ANKRD6: variants seen among roughly 807,000 people sequenced by gnomAD.
The protein encoded by ANKRD6 is ankyrin repeat domain 6.
ANKRD6 carries 56 observed loss-of-function variants against 82.3 expected under a neutral mutation model. That is an observed-to-expected ratio of 0.68 (90% CI 0.55 to 0.85). The LOEUF is 0.85. Ranked by LOEUF, ANKRD6 falls within the 40% of genes least tolerant of loss-of-function variation. ANKRD6 has a pLI of 0.00. For missense variants in ANKRD6, 852 were observed against 907.6 expected, an observed-to-expected ratio of 0.94 and a Z score of 0.79; for synonymous variants, 347 against 352.1, an observed-to-expected ratio of 0.99 and a Z score of 0.16.
chr6:89,605,467 G>T (rs919616415), intron 4 of ANKRD6, among the ~76,000 whole-genome samples: 2 of 152,174 alleles, frequency 1.3e-5, no homozygotes, highest in African/African-American at 4.8e-5. Context: ...TTTGTTTGGG[G>T]CCCTGAGGCT....
intron 1 of ANKRD6, among the ~76,000 whole-genome samples, chr6:89,498,717 G>C (rs1009807436): frequency 2.6e-5 from 4 of 152,146 alleles, no homozygotes; most frequent in Non-Finnish European, 5.9e-5. Context: ...AATACAATCC[G>C]GTCATTGTTT....
rs906088946 is a variant in ANKRD6 at position 89,632,517 on chromosome 6, C to T, written c.*1513C>T. ...CACTGCAGCCTTGGCCTCTCAGGCTCGTGATCCTCCTGCCTCAACCTCGCA... is the reference window on the plus strand; with the variant it reads ...CACTGCAGCCTTGGCCTCTCAGGCTTGTGATCCTCCTGCCTCAACCTCGCA... On this transcript the variant is annotated 3_prime_UTR_variant, in exon 16 of 16. Coordinates refer to ENST00000339746, the MANE Select transcript of ANKRD6 (RefSeq NM_001242809.2). 4 of 152,146 alleles carry T rather than the reference C, an allele frequency of 2.6e-5. No individual in the cohort carries two copies. Among genetic ancestry groups the T allele is most frequent in the Admixed American group, 2.6e-4 (4 of 15,272 alleles). The allele number at this position is 152,146 out of a possible 1,614,324, so 9.4% of individuals were successfully genotyped here.
intron 2 of ANKRD6, among the ~76,000 whole-genome samples, chr6:89,595,431 A>G (rs1398313441): frequency 1.3e-5 from 2 of 149,152 alleles, no homozygotes; most frequent in Admixed American, 6.7e-5. Flanking sequence ...GTCTCAAAGA[A>G]AAAAAAAAAA....
At chr6:89,547,722 T>C (rs1390786862) in intron 1 of ANKRD6, among the ~76,000 whole-genome samples, 1 of 152,168 alleles carries the variant, frequency 6.6e-6, no homozygotes, top group African/African-American at 2.4e-5. Flanking sequence ...TTGTATCCTT[T>C]ATTGGATCTG....
At chr6:89,462,865 G>GTTTTTTTTTTTTTTTTTTTT (rs751083567) in intron 1 of ANKRD6, among the ~76,000 whole-genome samples, 1 of 127,508 alleles carries the variant, frequency 7.8e-6, no homozygotes, top group Non-Finnish European at 1.7e-5. Context: ...TGAGTTTTTA[G>GTTTTTTTTTTTTTTTTTTTT]TTTTTTTTTT....
intron 1 of ANKRD6, among the ~76,000 whole-genome samples, chr6:89,495,121 T>C (rs977706849): frequency 1.3e-5 from 2 of 151,996 alleles, no homozygotes; most frequent in Non-Finnish European, 2.9e-5. Context: ...GTAGTCCCAG[T>C]TACTCGGGAG....
At chr6:89,475,751 G>A (rs537878948) in intron 1 of ANKRD6, among the ~76,000 whole-genome samples, 1 of 152,302 alleles carries the variant, frequency 6.6e-6, no homozygotes, top group Admixed American at 6.5e-5. Flanking sequence ...ATTCCCAGAT[G>A]TGGAAATGCT....
intron 1 of ANKRD6, among the ~76,000 whole-genome samples, chr6:89,481,147 A>G (rs377197374): frequency 4.6e-5 from 7 of 152,294 alleles, no homozygotes; most frequent in Admixed American, 3.3e-4. Flanking sequence ...TTAACAAAAA[A>G]TGAAATACAA....
At chr6:89,531,409 G>A (rs898003590) in intron 1 of ANKRD6, among the ~76,000 whole-genome samples, 10 of 152,228 alleles carry the variant, frequency 6.6e-5, no homozygotes, top group African/African-American at 2.4e-4. Flanking sequence ...AAGAGAAAAG[G>A]CATTAATATC....
At chr6:89,434,117 C>A (rs184357111) in intron 1 of ANKRD6, among the ~76,000 whole-genome samples, 3 of 152,278 alleles carry the variant, frequency 2.0e-5, no homozygotes, top group Middle Eastern at 3.4e-3. Flanking sequence ...AGTAAAGAGC[C>A]ACTTCGGGCC....
chr6:89,618,171 T>C, intron 9 of ANKRD6, 140 bp downstream of exon 9: 2 of 928,372 alleles, frequency 2.2e-6, no homozygotes, highest in Non-Finnish European at 3.5e-6. Flanking sequence ...TAGGCATGCA[T>C]GGGGGCCCAG....
chr6:89,616,877 C>T (rs1221837062), intron 8 of ANKRD6: 7 of 665,324 alleles, frequency 1.1e-5, no homozygotes, highest in Non-Finnish European at 1.9e-5. Flanking sequence ...CTTTTAGCTG[C>T]CTGACTGCAG....
chr6:89,567,366 G>A (rs1788762240), intron 2 of ANKRD6, among the ~76,000 whole-genome samples: 1 of 152,180 alleles, frequency 6.6e-6, no homozygotes, highest in South Asian at 2.1e-4. Context: ...GATCTCTTGG[G>A]AGAAGTTGGG....
At chr6:89,516,555 AC>A (rs1213889608) in intron 1 of ANKRD6, among the ~76,000 whole-genome samples, 3 of 150,758 alleles carry the variant, frequency 2.0e-5, no homozygotes, top group Middle Eastern at 3.6e-3. Context: ...GCTCACTGCA[AC>A]CTCCACCTCC....
At position 89,527,018 on chromosome 6, in the gene ANKRD6, A is replaced by C. The variant is rs1037586084; in HGVS notation, c.-143-39816A>C. Among the ~76,000 whole-genome samples, 6 of 152,344 alleles carry C rather than the reference A, an allele frequency of 3.9e-5. No homozygotes were observed. In the East Asian group the frequency reaches 7.7e-4, roughly 20 times the overall value. On this transcript the variant is annotated intron_variant, in intron 1 of 15. Coordinates refer to ENST00000339746, the MANE Select transcript of ANKRD6 (RefSeq NM_001242809.2). ...ATTCAAATGCTAGTATCTTCCAGAA[A>C]CATCCTTGCACACATACCCATACAT...
intron 1 of ANKRD6, among the ~76,000 whole-genome samples, chr6:89,439,972 C>T (rs2127933320): frequency 6.6e-6 from 1 of 152,206 alleles, no homozygotes; most frequent in East Asian, 1.9e-4. Flanking sequence ...GCTGGGATTA[C>T]AGGCCTAAGC....
At chr6:89,500,468 A>C (rs1407735887) in intron 1 of ANKRD6, among the ~76,000 whole-genome samples, 2 of 152,248 alleles carry the variant, frequency 1.3e-5, no homozygotes, top group Non-Finnish European at 2.9e-5. Context: ...TTCACCAGGC[A>C]GTCCTACTAT....
At chr6:89,563,243 G>A (rs138402261) in intron 1 of ANKRD6, among the ~76,000 whole-genome samples, 1 of 152,318 alleles carries the variant, frequency 6.6e-6, no homozygotes, top group African/African-American at 2.4e-5. Context: ...TCTGGTATTT[G>A]TGATGAGAGA....
chr6:89,539,046 A>G (rs547149326), intron 1 of ANKRD6, among the ~76,000 whole-genome samples: 1 of 152,302 alleles, frequency 6.6e-6, no homozygotes, highest in East Asian at 1.9e-4. Flanking sequence ...ATTGTTCATT[A>G]AAAGAAGATC....
Sources: gnomAD v4.1 joint callset for allele counts (sites outside exome capture counted in the v4.1 genomes callset) on GRCh38, gnomAD v4.1.1 for gene constraint, MANE v1.5 for transcripts, NCBI Gene and HGNC (gene_info 2026-07-23, HGNC 2026-07-21) for gene names.